Variants in MYO7A observed in about 807,000 individuals in gnomAD.
MYO7A encodes unconventional myosin-VIIa.
MYO7A carries 210 observed loss-of-function variants against 263.8 expected under a neutral mutation model. The ratio of observed to expected loss-of-function variants is 0.80; its 90% confidence interval spans 0.71 to 0.89. The LOEUF is 0.89. Ranked by LOEUF, MYO7A falls within the 40% of genes least tolerant of loss-of-function variation. The pLI, the probability that MYO7A is intolerant of heterozygous loss-of-function variation, is 0.00. For synonymous variants in MYO7A, 1,239 were observed against 1,197.3 expected (o/e 1.03, Z -0.72); for missense variants, 2,820 against 2,968.3 (o/e 0.95, Z 1.16).
intron 26 of MYO7A, 132 bp from the exon 27 acceptor site, chr11:77,184,456 T>C (rs973555229): frequency 9.4e-6 from 7 of 742,440 alleles, no homozygotes; most frequent in Middle Eastern, 3.7e-4. Flanking sequence ...ATGACAGTGA[T>C]GGGGAGCCCA....
At chr11:77,175,492 C>T in intron 18 of MYO7A, 28 bp downstream of exon 18, 8 of 1,602,824 alleles carry the variant, frequency 5.0e-6, no homozygotes, top group Non-Finnish European at 5.1e-6. Context: ...CCCTGGGCTG[C>T]CCTGGGGGGG....
Position 77,166,155 on chromosome 11 carries a change from T to A in MYO7A, c.1790T>A (p.Val597Asp). The A allele has an allele frequency of 6.2e-7, 1 of 1,613,788 alleles. No homozygotes were observed. Among genetic ancestry groups the A allele is most frequent in the South Asian group, 1.1e-5 (1 of 91,048 alleles). Residue 597 changes from valine (V) to aspartate (D), a missense_variant, in exon 15 of 49, where the codon GTC becomes GAC. By Grantham distance (152) the Val-to-Asp change is radical (BLOSUM62 -3). Coordinates refer to ENST00000409709, the MANE Select transcript of MYO7A (RefSeq NM_000260.4). Reference protein sequence around the residue: ...KFIKQIFQADVAMGAETRKRS... With the variant: ...KFIKQIFQADDAMGAETRKRS... The stretch of plus-strand genomic sequence containing the variant: ...ATCAAGCAGATCTTCCAGGCCGATG[T>A]CGCCATGGTAAGCCGGGTGCGGTTT...
At chr11:77,191,108 T>G in intron 30 of MYO7A, 1 of 417,312 alleles carries the variant, frequency 2.4e-6, no homozygotes, top group Non-Finnish European at 4.3e-6. Context: ...GATCACAAAG[T>G]CAGGAGTTCG....
chr11:77,155,872 G>C (rs1952412606), intron 4 of MYO7A, 35 bp from the exon 5 acceptor site: 2 of 1,531,946 alleles, frequency 1.3e-6, no homozygotes, highest in Admixed American at 1.9e-5. Context: ...CTCCCACATG[G>C]AATCAGCGAG....
rs746360467 is a variant in MYO7A at position 77,194,464 on chromosome 11, G to A, written c.4263G>A (p.Glu1421=). 2 of 1,610,108 alleles carry A rather than the reference G, an allele frequency of 1.2e-6. No individual in the cohort carries two copies. The highest frequency in any genetic ancestry group is 1.7e-6 in the Non-Finnish European group (2 of 1,178,356). The part of the protein sequence containing the change: ...NLVPTYIPDR[E]ITPLKTLEKW... Reference sequence around the variant, plus strand: ...TGCCCACCTACATCCCCGACCGCGAGATCACGCCCCTGAAGACGCTGGAGA... The same window carrying A: ...TGCCCACCTACATCCCCGACCGCGAAATCACGCCCCTGAAGACGCTGGAGA... Residue 1421 remains glutamate, a synonymous_variant, in exon 32 of 49, where the codon GAG becomes GAA. Transcript: ENST00000409709.
chr11:77,156,811 G>A (rs782008036), intron 6 of MYO7A, 30 bp downstream of exon 6: 1 of 1,613,996 alleles, frequency 6.2e-7, no homozygotes, highest in South Asian at 1.1e-5. Context: ...GGTGGGACCA[G>A]GCAGTGGGGC....
intron 14 of MYO7A, among the ~76,000 whole-genome samples, chr11:77,163,253 A>T (rs1953188814): frequency 6.6e-6 from 1 of 152,072 alleles, no homozygotes; most frequent in African/African-American, 2.4e-5. Context: ...ATGGGGCAGT[A>T]ACTCCTTCCC....
chr11:77,208,044 G>A (rs1010734091), intron 42 of MYO7A, among the ~76,000 whole-genome samples: 1 of 152,204 alleles, frequency 6.6e-6, no homozygotes, highest in Non-Finnish European at 1.5e-5. Flanking sequence ...GCCTGTCTCT[G>A]TGCCAGACGC....
At chr11:77,199,334 T>C (rs569093778) in intron 34 of MYO7A, among the ~76,000 whole-genome samples, 2 of 152,254 alleles carry the variant, frequency 1.3e-5, no homozygotes, top group South Asian at 4.1e-4. Flanking sequence ...CTGGAGGAAG[T>C]GGCATGTAGG....
chr11:77,142,625 G>T (rs1951288226), intron 2 of MYO7A, 84 bp from the exon 3 acceptor site: 2 of 1,154,178 alleles, frequency 1.7e-6, no homozygotes, highest in South Asian at 1.3e-5. Flanking sequence ...GCCTCTGATT[G>T]TAGCAGAGGG....
chr11:77,196,970 A>G (rs1956709964), intron 32 of MYO7A, among the ~76,000 whole-genome samples: 1 of 152,186 alleles, frequency 6.6e-6, no homozygotes, highest in African/African-American at 2.4e-5. Flanking sequence ...TCCAGGCTCC[A>G]GTTCTCCCTT....
intron 2 of MYO7A, among the ~76,000 whole-genome samples, chr11:77,136,597 G>A (rs116946318): frequency 7.0e-4 from 106 of 152,108 alleles, no homozygotes; most frequent in Non-Finnish European, 1.3e-3. Context: ...CCCCTAACAC[G>A]ACTCCCTTAG....
At position 77,147,972 on chromosome 11, in the gene MYO7A, G is replaced by T. The variant is rs906170111; in HGVS notation, c.285+22G>T. The T allele has an allele frequency of 6.6e-6, 10 of 1,514,828 alleles. No homozygotes were observed. The Admixed American group carries it at 1.2e-4, about 18-fold the overall frequency. 93.8% of individuals were successfully genotyped at this position (1,514,828 alleles called of 1,614,324 possible). ...CTACGTGAGTGCCGCCCCGCCCGGT[G>T]CCCGTCCAGGCCCCCTCAGGCCCCG... On this transcript the variant is annotated intron_variant, in intron 4 of 48. Coordinates refer to ENST00000409709, the MANE Select transcript of MYO7A (RefSeq NM_000260.4).
At chr11:77,165,220 C>T (rs1023411091) in intron 14 of MYO7A, among the ~76,000 whole-genome samples, 2 of 152,248 alleles carry the variant, frequency 1.3e-5, no homozygotes, top group Non-Finnish European at 2.9e-5. Flanking sequence ...AGCACTGGAT[C>T]TCTGTGCTGT....
chr11:77,173,565 G>A (rs1277215807), intron 16 of MYO7A, among the ~76,000 whole-genome samples: 4 of 152,190 alleles, frequency 2.6e-5, no homozygotes, highest in Admixed American at 6.5e-5. Flanking sequence ...GGCTCAGGCT[G>A]GGGCCACCTC....
At position 77,182,499 on chromosome 11, in the gene MYO7A, A is replaced by T. The variant is rs782450762; in HGVS notation, c.3184A>T (p.Ser1062Cys). Reference sequence around the variant, plus strand: ...TGAGCCCAAGTACCACACAGCCATGAGTGATGGCAGTGAGAAGATCCCTGT... The same window carrying T: ...TGAGCCCAAGTACCACACAGCCATGTGTGATGGCAGTGAGAAGATCCCTGT... ...LPEPKYHTAM[S>C]DGSEKIPVMT... Residue 1062 changes from serine (S) to cysteine (C), a missense_variant, in exon 25 of 49, where the codon AGT (serine) becomes TGT (cysteine). Physicochemically the swap from Ser to Cys is moderately radical, Grantham distance 112. Coordinates refer to ENST00000409709, the MANE Select transcript of MYO7A (RefSeq NM_000260.4). 3 of 1,611,856 alleles carry T rather than the reference A, an allele frequency of 1.9e-6. No individual in the cohort carries two copies. The highest frequency in any genetic ancestry group is 2.5e-6 in the Non-Finnish European group (3 of 1,179,830).
chr11:77,135,566 A>C (rs1223471425), intron 2 of MYO7A, among the ~76,000 whole-genome samples: 2 of 152,168 alleles, frequency 1.3e-5, no homozygotes, highest in African/African-American at 4.8e-5. Context: ...TTCTGCTTTT[A>C]ATTCTTTTGA....
In MYO7A at chr11:77,160,282, G is replaced by C; in HGVS notation, c.1200G>C (p.Lys400Asn). The C allele has an allele frequency of 6.4e-7, 1 of 1,558,376 alleles. No homozygotes were observed. Among genetic ancestry groups the C allele is most frequent in the Non-Finnish European group, 8.7e-7 (1 of 1,152,032 alleles). ...TGGACGTGCGCGACGCCTTCGTAAA[G>C]GTGGGCTGGAGGGAAGGGGCCGCTT... ...QALDVRDAFV[K>N]GIYGRLFVWI... The change falls in exon 11 of 49, where the codon AAG (lysine) becomes AAC (asparagine). Residue 400 changes from lysine to asparagine, a missense_variant and splice_region_variant. By Grantham distance (94) the Lys-to-Asn change is moderately conservative. Transcript: ENST00000409709.
rs777695572 is a variant in MYO7A at position 77,214,867 on chromosome 11, C to G, written c.*171C>G. 20 of 592,386 alleles carry G rather than the reference C, an allele frequency of 3.4e-5. No homozygotes were observed. Among genetic ancestry groups the G allele is most frequent in the South Asian group, 8.5e-5 (4 of 46,918 alleles). The allele number at this position is 592,386 out of a possible 1,614,324, so 36.7% of individuals were successfully genotyped here. ...GGCCTCTGATGTTCTTCCAGTGAGG[C>G]ATCTCTCTGGGATGCAGAACTTCCC... is the stretch of plus-strand genomic sequence containing the variant. On this transcript the variant is annotated 3_prime_UTR_variant, in exon 49 of 49. Coordinates refer to ENST00000409709, the MANE Select transcript of MYO7A (RefSeq NM_000260.4).
Sources: allele counts gnomAD v4.1 joint callset (sites outside exome capture counted in the v4.1 genomes callset), GRCh38; gene constraint gnomAD v4.1.1; transcripts MANE v1.5; gene names NCBI Gene and HGNC (gene_info 2026-07-23, HGNC 2026-07-21).